The following OCA2 variants were observed in gnomAD, a reference collection of about 807,000 sequenced individuals.
OCA2 encodes the protein P protein.
OCA2 carries 77 observed loss-of-function variants against 100.2 expected under a neutral mutation model. The observed-to-expected ratio is 0.77, with a 90% CI of 0.64 to 0.93. The LOEUF is 0.93. Among genes scored for constraint, OCA2 ranks in the 40% least tolerant of loss-of-function variants. The pLI, the probability that OCA2 is intolerant of heterozygous loss-of-function variation, is 0.00. For missense variants in OCA2, 1,062 were observed against 1,089.1 expected, an observed-to-expected ratio of 0.98 and a Z score of 0.35; for synonymous variants, 432 against 439.2, an observed-to-expected ratio of 0.98 and a Z score of 0.21.
chr15:27,975,216 AT>A (rs1339480752), intron 14 of OCA2, among the ~76,000 whole-genome samples: 1 of 152,252 alleles, frequency 6.6e-6, no homozygotes, highest in Non-Finnish European at 1.5e-5. Flanking sequence ...AGGATTTTAC[AT>A]TAACACTAAT....
At chr15:27,722,994 AC>A in the OCA2 span, among the ~76,000 whole-genome samples, 621 of 151,950 alleles carry the variant, frequency 4.1e-3, 4 homozygotes, top group Non-Finnish European at 6.7e-3. Flanking sequence ...GGCATGCACC[AC>A]CATGCCTGGC....
At chr15:27,993,290 T>C (rs191946036) in intron 9 of OCA2, among the ~76,000 whole-genome samples, 57 of 152,258 alleles carry the variant, frequency 3.7e-4, no homozygotes, top group African/African-American at 1.3e-3. Flanking sequence ...CTGCATGAAG[T>C]AGAACTATGA....
chr15:28,052,529 G>A (rs2043548595), intron 2 of OCA2, among the ~76,000 whole-genome samples: 1 of 152,088 alleles, frequency 6.6e-6, no homozygotes, highest in Non-Finnish European at 1.5e-5. Context: ...CAACCCAAAT[G>A]CAAATCCACA....
chr15:28,007,793 C>G (rs1346638879), intron 9 of OCA2, among the ~76,000 whole-genome samples: 1 of 152,194 alleles, frequency 6.6e-6, no homozygotes, highest in East Asian at 1.9e-4. Flanking sequence ...AAGTGCCAAT[C>G]AGGATGATTA....
chr15:27,860,044 A>C (rs1254361396), intron 21 of OCA2, among the ~76,000 whole-genome samples: 1 of 152,240 alleles, frequency 6.6e-6, no homozygotes, highest in Non-Finnish European at 1.5e-5. Context: ...ATTTTATTTA[A>C]AAGCAAACAT....
intron 19 of OCA2, among the ~76,000 whole-genome samples, chr15:27,881,497 T>A (rs1312937200): frequency 4.6e-5 from 7 of 152,176 alleles, no homozygotes; most frequent in Non-Finnish European, 1.0e-4. Context: ...TATCCTGGGC[T>A]TTTTATTATG....
chr15:27,827,235 A>G (rs1166194389), intron 23 of OCA2, among the ~76,000 whole-genome samples: 1 of 152,226 alleles, frequency 6.6e-6, no homozygotes. Flanking sequence ...CGAGTCATGC[A>G]GGAGTCACAC....
intron 21 of OCA2, among the ~76,000 whole-genome samples, chr15:27,853,545 C>T (rs1288288991): frequency 6.8e-6 from 1 of 147,892 alleles, no homozygotes; most frequent in Non-Finnish European, 1.5e-5. Flanking sequence ...GCACAATGTG[C>T]ACATGTACCC....
At chr15:28,097,960 A>G (rs1178298725) in intron 1 of OCA2, among the ~76,000 whole-genome samples, 1 of 152,208 alleles carries the variant, frequency 6.6e-6, no homozygotes, top group Non-Finnish European at 1.5e-5. Flanking sequence ...CTGCCACTCC[A>G]GCATAGAAAC....
chr15:27,858,021 CA>C (rs200448681), intron 21 of OCA2, among the ~76,000 whole-genome samples: 5,688 of 138,756 alleles, frequency 0.041, 134 homozygotes, highest in African/African-American at 0.07. Flanking sequence ...CAACTAAATA[CA>C]AAAAAAAAAG....
At chr15:27,851,826 C>T (rs1309023020) in intron 21 of OCA2, among the ~76,000 whole-genome samples, 2 of 152,134 alleles carry the variant, frequency 1.3e-5, no homozygotes, top group Admixed American at 1.3e-4. Flanking sequence ...ACTATGCACA[C>T]GTCATCTTGA....
intron 19 of OCA2, among the ~76,000 whole-genome samples, chr15:27,901,679 A>G (rs1567081803): frequency 1.3e-5 from 2 of 152,226 alleles, no homozygotes; most frequent in African/African-American, 4.8e-5. Flanking sequence ...AAGATAGACA[A>G]TAACCTAAAT....
At chr15:28,067,393 G>T (rs2044058489) in intron 2 of OCA2, among the ~76,000 whole-genome samples, 1 of 151,962 alleles carries the variant, frequency 6.6e-6, no homozygotes, top group Non-Finnish European at 1.5e-5. Context: ...TCTTTGGATT[G>T]GTTTGTTCCT....
Position 28,041,107 on chromosome 15 carries a change from C to T in OCA2, c.228-8944G>A, listed in dbSNP as rs117985415. ...TGAATACTGATGCAAAAATCCTCAA[C>T]AAAATACTCAATACTAAGCAAATCA... On this transcript the variant is annotated intron_variant, in intron 2 of 23. Coordinates refer to ENST00000354638, the MANE Select transcript of OCA2 (RefSeq NM_000275.3). Among the ~76,000 whole-genome samples the T allele has an allele frequency of 6.2e-3, 947 of 152,152 alleles. 6 individuals are homozygous for T. Among genetic ancestry groups the T allele is most frequent in the Middle Eastern group, 0.031 (9 of 294 alleles).
At chr15:27,815,500 C>T (rs2034263174) in intron 23 of OCA2, among the ~76,000 whole-genome samples, 1 of 152,200 alleles carries the variant, frequency 6.6e-6, no homozygotes, top group Non-Finnish European at 1.5e-5. Flanking sequence ...TTCATACCTC[C>T]TGGGGCAAGG....
At chr15:27,951,163 C>G (rs556984920) in intron 18 of OCA2, among the ~76,000 whole-genome samples, 3 of 152,264 alleles carry the variant, frequency 2.0e-5, no homozygotes, top group East Asian at 1.9e-4. Context: ...GTGAGCTCCC[C>G]CTGAGAGAGC....
At chr15:27,794,885 T>A (rs1336195351) in intron 23 of OCA2, among the ~76,000 whole-genome samples, 2 of 152,224 alleles carry the variant, frequency 1.3e-5, no homozygotes, top group Non-Finnish European at 2.9e-5. Context: ...TAATTTATAC[T>A]TTTGAATTTT....
rs918993483 is a variant in OCA2 at position 27,905,373 on chromosome 15, A to G, written c.2079+20754T>C. On this transcript the variant is annotated intron_variant, in intron 19 of 23. Coordinates refer to ENST00000354638, the MANE Select transcript of OCA2 (RefSeq NM_000275.3). ...CTGAAAAGAGAAAAGTGAAAATACC[A>G]CCAAACCCCCAGCCTGCTCTCTCTC... Among the ~76,000 whole-genome samples, 6 of 152,142 alleles carry G rather than the reference A, an allele frequency of 3.9e-5. No homozygotes were observed. The South Asian group carries it at 1.2e-3, about 32-fold the overall frequency.
chr15:27,826,552 A>G (rs1208699152), intron 23 of OCA2, among the ~76,000 whole-genome samples: 1 of 151,984 alleles, frequency 6.6e-6, no homozygotes, highest in African/African-American at 2.4e-5. Context: ...CTGCTGACCT[A>G]TCCTTTCTCA....
Sources: allele counts gnomAD v4.1 joint callset (sites outside exome capture counted in the v4.1 genomes callset), GRCh38; gene constraint gnomAD v4.1.1; transcripts MANE v1.5; gene names NCBI Gene and HGNC (gene_info 2026-07-23, HGNC 2026-07-21).